MEAF6: variants seen among roughly 807,000 people sequenced by gnomAD.
The protein encoded by MEAF6 is MYST/Esa1 associated factor 6.
In MEAF6, 15 loss-of-function variants were observed where a neutral mutation model predicts 28.9. That is an observed-to-expected ratio of 0.52 (90% CI 0.35 to 0.80). The LOEUF is 0.80. Among genes scored for constraint, MEAF6 ranks in the 30% least tolerant of loss-of-function variants. MEAF6 has a pLI of 0.01. For missense variants in MEAF6, 178 were observed against 237.5 expected (o/e 0.75, Z 1.65); for synonymous variants, 97 against 88.7 (o/e 1.09, Z -0.53).
rs1187736785 is a variant in MEAF6, at chr1:37,509,439, C to T, written c.294+16G>A. 1 of 1,612,860 alleles carries T rather than the reference C, an allele frequency of 6.2e-7. No homozygotes were observed. ...ACAACAGGCCAAAGAAAGATTCCCC[C>T]ACCACCACTACTTACAGCTGCTGAG... On this transcript the variant is annotated intron_variant, in intron 3 of 6. Coordinates refer to ENST00000296214, the MANE Select transcript of MEAF6 (RefSeq NM_001270875.3).
chr1:37,514,726 C>A lies in MEAF6; in HGVS notation c.21G>T (p.Ala7=), dbSNP rs745780266. Residue 7 remains alanine (A), a synonymous_variant, in exon 1 of 7, where the codon GCG becomes GCT. Transcript: ENST00000296214. The part of the protein sequence containing the change: MAMHNK[A]APPQIPDTRR... ...GGGTGTCCGGGATCTGCGGCGGCGC[C>A]GCCTTGTTGTGCATCGCCATGTTGG... 7 of 1,529,674 alleles carry A rather than the reference C, an allele frequency of 4.6e-6. No homozygotes were observed. In the South Asian group the frequency reaches 4.8e-5, roughly 10 times the overall value. 94.8% of individuals were successfully genotyped at this position (1,529,674 alleles called of 1,614,324 possible). A position where few individuals can be genotyped will look rare whatever the true frequency, so the allele number is the denominator to read the frequency against.
At chr1:37,509,848 C>T (rs1237301220) in intron 2 of MEAF6, among the ~76,000 whole-genome samples, 3 of 152,156 alleles carry the variant, frequency 2.0e-5, no homozygotes, top group African/African-American at 7.2e-5. Context: ...AGAATCTCAG[C>T]TCATTGCAAC....
intron 1 of MEAF6, 76 bp from the exon 2 acceptor site, chr1:37,513,614 G>T: frequency 1.7e-6 from 2 of 1,167,944 alleles, no homozygotes; most frequent in Non-Finnish European, 2.6e-6. Flanking sequence ...ATGAAATCCT[G>T]ATATTAGACT....
chr1:37,504,443 T>C (rs1642411457), intron 4 of MEAF6, among the ~76,000 whole-genome samples: 1 of 152,120 alleles, frequency 6.6e-6, no homozygotes, highest in Admixed American at 6.6e-5. Context: ...AGGGAAGACT[T>C]TCACTTTACT....
chr1:37,509,627 A>G, intron 2 of MEAF6, 85 bp from the exon 3 acceptor site: 1 of 1,208,100 alleles, frequency 8.3e-7, no homozygotes. Context: ...TGTTCCATGC[A>G]GGAAGCTTCC....
chr1:37,499,740 T>C (rs1642236744), intron 5 of MEAF6, among the ~76,000 whole-genome samples: 1 of 152,186 alleles, frequency 6.6e-6, no homozygotes, highest in South Asian at 2.1e-4. Context: ...ACTACTACTA[T>C]TTTTCTGGAA....
intron 4 of MEAF6, among the ~76,000 whole-genome samples, chr1:37,504,668 A>C (rs1642419248): frequency 6.7e-6 from 1 of 148,506 alleles, no homozygotes; most frequent in South Asian, 2.2e-4. Context: ...GCTACTTGGG[A>C]GGCTGAGACA....
At position 37,492,420 on chromosome 1, in the gene MEAF6, C is replaced by T. The variant is rs540467289; in HGVS notation, c.*1679G>A. ...CACTCCTCCCTCCCAGCAAAGGAGA[C>T]CAACAGACAAAAAATACAGAATGCT... is the stretch of plus-strand genomic sequence containing the variant. On this transcript the variant is annotated 3_prime_UTR_variant, in exon 7 of 7. Transcript: ENST00000296214. Among the ~76,000 whole-genome samples the T allele has an allele frequency of 2.7e-3, 415 of 151,352 alleles. 1 individual carries two copies. Among genetic ancestry groups the T allele is most frequent in the Non-Finnish European group, 4.3e-3 (294 of 67,830 alleles).
At chr1:37,513,330 C>A (rs574029696) in intron 2 of MEAF6, 93 bp downstream of exon 2, 3 of 866,698 alleles carry the variant, frequency 3.5e-6, no homozygotes, top group African/African-American at 3.3e-5. Flanking sequence ...TACTTTACTA[C>A]TGCCTCCAGC....
At position 37,514,759 on chromosome 1, in the gene MEAF6, C is replaced by A. The variant is rs370896182; in HGVS notation, c.-13G>T. 1.5e-6 allele frequency: 2 copies of A among 1,361,460 alleles called. No individual in the cohort carries two copies. The highest frequency in any genetic ancestry group is 3.8e-5 in the East Asian group (1 of 25,984). 84.3% of individuals were successfully genotyped at this position (1,361,460 alleles called of 1,614,324 possible). ...TGTGCATCGCCATGTTGGGCTGAGG[C>A]GGGCGGCGGCGGCGCGAGGTTGGGG... On this transcript the variant is annotated 5_prime_UTR_variant, in exon 1 of 7. Coordinates refer to ENST00000296214, the MANE Select transcript of MEAF6 (RefSeq NM_001270875.3).
Position 37,493,699 on chromosome 1 carries a change from T to G in MEAF6, c.*400A>C. On this transcript the variant is annotated 3_prime_UTR_variant, in exon 7 of 7. Transcript: ENST00000296214. ...AAGAAAATGCCAGATATTTACAGCC[T>G]CCATCTGAAATGTGACTTGTGTTCT... 3 of 1,130,138 alleles carry G rather than the reference T, an allele frequency of 2.7e-6. No individual in the cohort carries two copies. The highest frequency in any genetic ancestry group is 3.9e-6 in the Non-Finnish European group (3 of 772,548). The allele number at this position is 1,130,138 out of a possible 1,614,324, so 70.0% of individuals were successfully genotyped here.
chr1:37,510,429 T>G (rs1338711634), intron 2 of MEAF6, among the ~76,000 whole-genome samples: 1 of 130,922 alleles, frequency 7.6e-6, no homozygotes, highest in Non-Finnish European at 1.6e-5. Flanking sequence ...TCTCCCAGAC[T>G]GGAGTGCAGT....
chr1:37,498,440 T>TTAC (rs1553162528), intron 5 of MEAF6, among the ~76,000 whole-genome samples: 2 of 136,736 alleles, frequency 1.5e-5, no homozygotes, highest in South Asian at 2.3e-4. Context: ...ATTATTATTA[T>TTAC]TATTACTATT....
chr1:37,508,401 C>A (rs1234792697), intron 4 of MEAF6, among the ~76,000 whole-genome samples: 1 of 149,840 alleles, frequency 6.7e-6, no homozygotes, highest in African/African-American at 2.5e-5. Context: ...ACCTCAGCCT[C>A]TCTAATAGCT....
Position 37,513,418 on chromosome 1 carries a change from C to T in MEAF6, c.206+5G>A. 2 of 1,610,386 alleles carry T rather than the reference C, an allele frequency of 1.2e-6. No homozygotes were observed. ...ATAGGAACACTACAGGCTTTCGACA[C>T]TCACTTTTGGTTGGTCAGATACCGA... On this transcript the variant is annotated splice_donor_5th_base_variant and intron_variant, in intron 2 of 6. Coordinates refer to ENST00000296214, the MANE Select transcript of MEAF6 (RefSeq NM_001270875.3).
intron 2 of MEAF6, among the ~76,000 whole-genome samples, chr1:37,512,984 G>A (rs565093486): frequency 6.6e-6 from 1 of 152,044 alleles, no homozygotes; most frequent in Non-Finnish European, 1.5e-5. Flanking sequence ...GAGGTCAGGA[G>A]TTCGAGACCA....
chr1:37,499,807 T>A (rs1009617909), intron 5 of MEAF6, among the ~76,000 whole-genome samples: 6 of 152,170 alleles, frequency 3.9e-5, no homozygotes, highest in Non-Finnish European at 8.8e-5. Flanking sequence ...TGCTAGAAAC[T>A]TGCAAGAAGA....
intron 5 of MEAF6, among the ~76,000 whole-genome samples, chr1:37,497,576 G>GTATTTATTTATTTATT (rs58313664): frequency 1.3e-5 from 2 of 149,732 alleles, no homozygotes; most frequent in Non-Finnish European, 3.0e-5. Context: ...TGCAGCACCC[G>GTATTTATTTATTTATT]TATTTATTTA....
intron 4 of MEAF6, among the ~76,000 whole-genome samples, chr1:37,506,258 G>A (rs1051209712): frequency 2.0e-5 from 3 of 148,378 alleles, no homozygotes; most frequent in Non-Finnish European, 4.5e-5. Context: ...GCAATAAAGC[G>A]AGACTCCGTC....
Sources: gnomAD v4.1 joint callset for allele counts (sites outside exome capture counted in the v4.1 genomes callset) on GRCh38, gnomAD v4.1.1 for gene constraint, MANE v1.5 for transcripts, NCBI Gene and HGNC (gene_info 2026-07-23, HGNC 2026-07-21) for gene names.